The following NIBAN3 variants were observed in gnomAD, a reference collection of about 807,000 sequenced individuals.
NIBAN3 encodes the protein niban apoptosis regulator 3.
A neutral mutation model predicts 76.4 loss-of-function variants in NIBAN3; 66 were observed. The observed-to-expected ratio is 0.86, with a 90% CI of 0.71 to 1.06. The LOEUF is 1.06. Ranked by LOEUF, NIBAN3 falls within the 50% of genes least tolerant of loss-of-function variation. The pLI is 0.00. For missense variants in NIBAN3, 808 were observed against 810.7 expected (o/e 1.00, Z 0.04); for synonymous variants, 360 against 355.2 (o/e 1.01, Z -0.15).
At chr19:17,546,055 T>C (rs576064922) in intron 12 of NIBAN3, 2 of 355,490 alleles carry the variant, frequency 5.6e-6, no homozygotes, top group Admixed American at 3.1e-5. Context: ...CAAGGAGCCC[T>C]TCTGCTGGCC....
intron 13 of NIBAN3, 24 bp from the exon 14 acceptor site, chr19:17,549,420 G>T: frequency 6.3e-7 from 1 of 1,577,094 alleles, no homozygotes; most frequent in Non-Finnish European, 8.7e-7. Flanking sequence ...CCCCAGGTGT[G>T]TCCAAGAGTT....
Position 17,533,642 on chromosome 19 carries a change from T to G in NIBAN3, c.368T>G (p.Leu123Arg). Reference protein sequence around the residue: ...LGSTALTGYTLLTSQREYLRL... With the variant: ...LGSTALTGYTRLTSQREYLRL... ...TCAACAGCCCTGACAGGATACACGC[T>G]CCTGACTTCCCAGCGAGAATATCTC... Residue 123 changes from leucine to arginine, a missense_variant, in exon 4 of 15, where the codon CTC (leucine) becomes CGC (arginine). By Grantham distance (102) the Leu-to-Arg change is moderately radical (BLOSUM62 -2). Coordinates refer to ENST00000599164, the MANE Select transcript of NIBAN3 (RefSeq NM_001321827.2). 1 of 1,614,106 alleles carries G rather than the reference T, an allele frequency of 6.2e-7. No individual in the cohort carries two copies. Among genetic ancestry groups the G allele is most frequent in the Non-Finnish European group, 8.5e-7 (1 of 1,180,022 alleles).
chr19:17,548,933 AGTT>A (rs1260384904), intron 13 of NIBAN3, among the ~76,000 whole-genome samples: 1 of 150,002 alleles, frequency 6.7e-6, no homozygotes, highest in African/African-American at 2.5e-5. Context: ...CTCAAAAAAA[AGTT>A]GTTTTTTTTT....
rs771338417 is a variant in NIBAN3, at chr19:17,539,187, C to A, written c.633C>A (p.Phe211Leu). ...QRSQAPAARA[F>L]LDAVRLYRQH... is the part of the protein sequence containing the mutation. ...GCCAGGCCCCTGCTGCCCGGGCCTT[C>A]CTGGACGCCGTCCGACTCTACCGGC... The change falls in exon 6 of 15, where the codon TTC becomes TTA. Residue 211 changes from phenylalanine to leucine, a missense_variant. Phe to Leu is a conservative substitution (Grantham distance 22). Transcript: ENST00000599164. The A allele has an allele frequency of 1.4e-5, 22 of 1,605,436 alleles. No homozygotes were observed. Among genetic ancestry groups the A allele is most frequent in the Non-Finnish European group, 1.9e-5 (22 of 1,176,570 alleles).
At chr19:17,551,600 G>T (rs531894940) in intron 14 of NIBAN3, among the ~76,000 whole-genome samples, 186 bp from the exon 15 acceptor site, 1 of 152,076 alleles carries the variant, frequency 6.6e-6, no homozygotes, top group South Asian at 2.1e-4. Context: ...TAAAGATGAG[G>T]TTTCACCATG....
At position 17,540,404 on chromosome 19, in the gene NIBAN3, G is replaced by T. The variant is rs934921674; in HGVS notation, c.992G>T (p.Gly331Val). 9.3e-6 allele frequency: 14 copies of T among 1,499,480 alleles called. No individual in the cohort carries two copies. Among genetic ancestry groups the T allele is most frequent in the Non-Finnish European group, 1.2e-5 (13 of 1,120,542 alleles). 92.9% of individuals were successfully genotyped at this position (1,499,480 alleles called of 1,614,324 possible). A position where few individuals can be genotyped will look rare whatever the true frequency, so the allele number is the denominator to read the frequency against. ...VAGRLRTDIRGPLESCLRREV... is the reference protein window; with the variant it reads ...VAGRLRTDIRVPLESCLRREV... ...CTTCCACTCCCAGCGGATATCAGGGGACCGCTCGAGTCGTGCCTGCGCCGG... is the reference window on the plus strand; with the variant it reads ...CTTCCACTCCCAGCGGATATCAGGGTACCGCTCGAGTCGTGCCTGCGCCGG... Residue 331 changes from glycine (G) to valine (V), a missense_variant, in exon 9 of 15, where the codon GGA becomes GTA. Coordinates refer to ENST00000599164, the MANE Select transcript of NIBAN3 (RefSeq NM_001321827.2).
chr19:17,545,999 T>G (rs1346741124), intron 12 of NIBAN3: 5 of 435,664 alleles, frequency 1.1e-5, no homozygotes, highest in African/African-American at 8.1e-5. Flanking sequence ...GACCACGGTC[T>G]GCCTGGCAAC....
chr19:17,549,406 G>A (rs752258568), intron 13 of NIBAN3, 38 bp from the exon 14 acceptor site: 3 of 1,468,622 alleles, frequency 2.0e-6, no homozygotes, highest in East Asian at 2.3e-5. Context: ...TGATGCCTGG[G>A]CTTCCCCAGG....
At position 17,542,108 on chromosome 19, in the gene NIBAN3, TC is replaced by T. The variant is rs778910229; in HGVS notation, c.1171-23del. 1 of 1,613,946 alleles carries T rather than the reference TC, an allele frequency of 6.2e-7. No homozygotes were observed. The highest frequency in any genetic ancestry group is 1.7e-5 in the Admixed American group (1 of 59,960). ...CTTTGCAATCAGCTGACAGCATTTTTCCCCCAAAACTGCTTCCGGGAGCACA... is the reference window on the plus strand; with the variant it reads ...CTTTGCAATCAGCTGACAGCATTTTTCCCCAAAACTGCTTCCGGGAGCACA... On this transcript the variant is annotated intron_variant, in intron 9 of 14. Transcript: ENST00000599164. The surrounding 1 kb of genome is among the most constrained non-coding windows in gnomAD (Gnocchi z 4.8).
At chr19:17,539,039 TG>T in intron 5 of NIBAN3, 110 bp from the exon 6 acceptor site, 1 of 842,306 alleles carries the variant, frequency 1.2e-6, no homozygotes, top group Non-Finnish European at 1.8e-6. Context: ...GTTCCAGAGA[TG>T]GGTGAGACTT....
Position 17,530,877 on chromosome 19 carries a change from C to A in NIBAN3, c.178C>A (p.Arg60Ser). The stretch of plus-strand genomic sequence containing the variant: ...GGAGCCGACCGGAAGCCAGTTGCTA[C>A]GCAGCAAAGTGGGTGTTGTGGGGGC... ...PQEPTGSQLL[R>S]SKKLPRVREH... The change falls in exon 2 of 15, where the codon CGC becomes AGC. Residue 60 changes from arginine to serine, a missense_variant. Coordinates refer to ENST00000599164, the MANE Select transcript of NIBAN3 (RefSeq NM_001321827.2). The A allele has an allele frequency of 6.2e-7, 1 of 1,613,016 alleles. No individual in the cohort carries two copies. The highest frequency in any genetic ancestry group is 8.5e-7 in the Non-Finnish European group (1 of 1,179,730).
chr19:17,528,245 C>A (rs1195569415), intron 1 of NIBAN3, among the ~76,000 whole-genome samples: 1 of 152,050 alleles, frequency 6.6e-6, no homozygotes, highest in East Asian at 1.9e-4. Flanking sequence ...GCATGTGCCA[C>A]CATGCCTGAC....
At chr19:17,549,733 C>T in intron 14 of NIBAN3, 1 of 625,984 alleles carries the variant, frequency 1.6e-6, no homozygotes, top group South Asian at 1.8e-5. Flanking sequence ...ACAGAGGGAC[C>T]CTCTAAACCC....
chr19:17,549,484 T>C lies in NIBAN3; in HGVS notation c.1707T>C (p.Thr569=), dbSNP rs1472449051. Residue 569 remains threonine, a synonymous_variant, in exon 14 of 15, where the codon ACT becomes ACC. Coordinates refer to ENST00000599164, the MANE Select transcript of NIBAN3 (RefSeq NM_001321827.2). ...KTLGANDVSC[T]LDGCLEVPWE... The stretch of plus-strand genomic sequence containing the variant: ...TTGGTGCCAATGATGTATCCTGCAC[T>C]CTGGACGGCTGCTTGGAGGTCCCAT... 5 of 1,614,002 alleles carry C rather than the reference T, an allele frequency of 3.1e-6. No individual in the cohort carries two copies. In the African/African-American group the frequency reaches 6.7e-5, roughly 22 times the overall value.
intron 8 of NIBAN3, chr19:17,540,067 C>T: frequency 3.1e-6 from 1 of 324,668 alleles, no homozygotes; most frequent in Non-Finnish European, 5.5e-6. Context: ...GGGGGATAGG[C>T]GTGGCCTTGA....
intron 1 of NIBAN3, among the ~76,000 whole-genome samples, chr19:17,527,992 C>G (rs2075638831): frequency 6.6e-6 from 1 of 150,446 alleles, no homozygotes; most frequent in African/African-American, 2.4e-5. Flanking sequence ...CTGTGTCCAG[C>G]CTGCATCTTA....
chr19:17,540,423 G>C lies in NIBAN3; in HGVS notation c.1011G>C (p.Leu337=). The change falls in exon 9 of 15, where the codon CTG becomes CTC. Residue 337 remains leucine (L), a synonymous_variant. Transcript: ENST00000599164. ...TCAGGGGACCGCTCGAGTCGTGCCT[G>C]CGCCGGGAGGTGGACCCGCAGCTGC... ...TDIRGPLESC[L]RREVDPQLPR... 6.5e-7 allele frequency: 1 copy of C among 1,527,152 alleles called. No individual in the cohort carries two copies. The highest frequency in any genetic ancestry group is 8.8e-7 in the Non-Finnish European group (1 of 1,135,156). 94.6% of individuals were successfully genotyped at this position (1,527,152 alleles called of 1,614,324 possible).
intron 14 of NIBAN3, among the ~76,000 whole-genome samples, chr19:17,550,039 C>T (rs902771878): frequency 2.0e-4 from 31 of 152,098 alleles, no homozygotes; most frequent in Admixed American, 9.8e-4. Flanking sequence ...AGGCTGGTCT[C>T]GAACTCCTGA....
Position 17,537,548 on chromosome 19 carries a change from G to A in NIBAN3, c.595+5G>A, listed in dbSNP as rs1373474514. ...GCATCCGGCTTCAGGGCATAGGTGG[G>A]TCTCAGGACGGGTCAGACATTTGTG... is the stretch of plus-strand genomic sequence containing the variant. On this transcript the variant is annotated splice_donor_5th_base_variant and intron_variant, in intron 5 of 14. Coordinates refer to ENST00000599164, the MANE Select transcript of NIBAN3 (RefSeq NM_001321827.2). The A allele has an allele frequency of 1.3e-6, 2 of 1,578,654 alleles. No individual in the cohort carries two copies. Among genetic ancestry groups the A allele is most frequent in the East Asian group, 2.2e-5 (1 of 44,556 alleles).
Sources: gnomAD v4.1 joint callset for allele counts (sites outside exome capture counted in the v4.1 genomes callset) on GRCh38, gnomAD v4.1.1 for gene constraint, Gnocchi (gnomAD v3.1) non-coding constraint, MANE v1.5 for transcripts, NCBI Gene and HGNC (gene_info 2026-07-23, HGNC 2026-07-21) for gene names.